FBXO11: variants seen among roughly 807,000 people sequenced by gnomAD.
The protein encoded by FBXO11 is F-box protein 11, also known as F-box only protein 11.
A neutral mutation model predicts 117.0 loss-of-function variants in FBXO11; 13 were observed. The observed-to-expected ratio is 0.11, with a 90% CI of 0.07 to 0.18. The LOEUF (loss-of-function observed/expected upper bound fraction) is 0.18, where lower values mean the gene tolerates loss of function less well. Ranked by LOEUF, FBXO11 falls within the 10% of genes least tolerant of loss-of-function variation. The pLI, the probability that FBXO11 is intolerant of heterozygous loss-of-function variation, is 1.00. For missense variants in FBXO11, 767 were observed against 1,164.4 expected (o/e 0.66, Z 4.97); for synonymous variants, 490 against 380.5 (o/e 1.29, Z -3.35).
intron 15 of FBXO11, 28 bp downstream of exon 15, chr2:47,818,928 C>T (rs1024267349): frequency 8.1e-6 from 13 of 1,595,788 alleles, no homozygotes; most frequent in Admixed American, 5.5e-5. Context: ...CAATGTATTT[C>T]CCATCCAAGA....
intron 1 of FBXO11, among the ~76,000 whole-genome samples, chr2:47,888,939 T>A (rs540977092): frequency 6.6e-6 from 1 of 152,326 alleles, no homozygotes; most frequent in East Asian, 1.9e-4. Context: ...TCGCACCCAG[T>A]TTTTAATCAT....
chr2:47,856,146 T>C (rs1674277459), intron 1 of FBXO11, among the ~76,000 whole-genome samples: 1 of 152,116 alleles, frequency 6.6e-6, no homozygotes, highest in Non-Finnish European at 1.5e-5. Flanking sequence ...TCAGAGAAGC[T>C]TTTAACTCAG....
chr2:47,877,095 T>C (rs1676061944), intron 1 of FBXO11, among the ~76,000 whole-genome samples: 1 of 151,922 alleles, frequency 6.6e-6, no homozygotes, highest in Non-Finnish European at 1.5e-5. Flanking sequence ...AGTGCAATCA[T>C]GGCTCACTGC....
rs147228560 is a variant in FBXO11, at chr2:47,869,774, A to G, written c.233-30005T>C. Among the ~76,000 whole-genome samples the G allele has an allele frequency of 1.2e-3, 188 of 152,344 alleles. 1 individual carries two copies. The highest frequency in any genetic ancestry group is 4.3e-3 in the African/African-American group (179 of 41,576). On this transcript the variant is annotated intron_variant, in intron 1 of 22. Transcript: ENST00000403359. ...GTGTTTTGCATCCTTTTTTGGGGCA[A>G]GGGTTAGTACACTTTTGGTCATAAA...
chr2:47,893,179 T>C (rs1442667418), intron 1 of FBXO11, among the ~76,000 whole-genome samples: 2 of 135,738 alleles, frequency 1.5e-5, no homozygotes, highest in Non-Finnish European at 3.4e-5. Flanking sequence ...AATAAATAAA[T>C]AAATAAATGG....
intron 1 of FBXO11, among the ~76,000 whole-genome samples, chr2:47,866,529 A>G (rs1007626939): frequency 6.6e-6 from 1 of 150,884 alleles, no homozygotes; most frequent in South Asian, 2.1e-4. Context: ...GCTGGAGTAC[A>G]GTGGCGTGAT....
chr2:47,853,868 T>C (rs1674071245), intron 1 of FBXO11, among the ~76,000 whole-genome samples: 1 of 152,194 alleles, frequency 6.6e-6, no homozygotes, highest in Non-Finnish European at 1.5e-5. Context: ...AATTTCATCT[T>C]CTAAAAACTC....
intron 9 of FBXO11, 38 bp from the exon 10 acceptor site, chr2:47,832,716 G>C: frequency 1.2e-6 from 2 of 1,607,444 alleles, no homozygotes; most frequent in South Asian, 1.1e-5. Context: ...AAACCTACTG[G>C]GCAACATACA....
chr2:47,840,968 G>A (rs1428817461), intron 1 of FBXO11, among the ~76,000 whole-genome samples: 1 of 152,110 alleles, frequency 6.6e-6, no homozygotes, highest in Non-Finnish European at 1.5e-5. Flanking sequence ...GGAGGCCAAG[G>A]TGGGCGGATC....
At chr2:47,903,061 T>C (rs572432126) in intron 1 of FBXO11, among the ~76,000 whole-genome samples, 1 of 152,206 alleles carries the variant, frequency 6.6e-6, no homozygotes, top group Non-Finnish European at 1.5e-5. Context: ...CTTTGCGTGC[T>C]CCATAAAACT....
intron 1 of FBXO11, among the ~76,000 whole-genome samples, chr2:47,881,236 A>G (rs1244671958): frequency 6.6e-6 from 1 of 152,172 alleles, no homozygotes; most frequent in Non-Finnish European, 1.5e-5. Context: ...TGGGTGACAC[A>G]ACGAGACTCT....
At chr2:47,897,918 T>G (rs1486585325) in intron 1 of FBXO11, among the ~76,000 whole-genome samples, 1 of 152,038 alleles carries the variant, frequency 6.6e-6, no homozygotes, top group African/African-American at 2.4e-5. Flanking sequence ...ATACAAAAGC[T>G]CTCTTCACAC....
chr2:47,868,489 TG>T (rs1675367285), intron 1 of FBXO11, among the ~76,000 whole-genome samples: 1 of 152,170 alleles, frequency 6.6e-6, no homozygotes, highest in African/African-American at 2.4e-5. Flanking sequence ...TTGAAATATT[TG>T]TTTGAATTAC....
intron 1 of FBXO11, among the ~76,000 whole-genome samples, chr2:47,893,338 T>C (rs1677404258): frequency 6.7e-6 from 1 of 150,316 alleles, no homozygotes; most frequent in African/African-American, 2.4e-5. Context: ...TATATATAAA[T>C]CACATGTGTA....
At chr2:47,885,367 G>C (rs929664181) in intron 1 of FBXO11, among the ~76,000 whole-genome samples, 1 of 152,156 alleles carries the variant, frequency 6.6e-6, no homozygotes, top group African/African-American at 2.4e-5. Flanking sequence ...GCCGAGGTGA[G>C]TAAATCATTG....
chr2:47,838,742 A>T, intron 4 of FBXO11, 117 bp downstream of exon 4: 5 of 845,242 alleles, frequency 5.9e-6, no homozygotes, highest in Non-Finnish European at 9.0e-6. Flanking sequence ...TAAGCATTTT[A>T]ATTTTGTTCC....
chr2:47,810,216 T>C (rs1670521643), intron 19 of FBXO11, 100 bp downstream of exon 19: 8 of 740,882 alleles, frequency 1.1e-5, no homozygotes, highest in Admixed American at 3.2e-5. Context: ...CAGCACACTT[T>C]GCACATTTTA....
At chr2:47,823,415 A>G (rs1671521294) in intron 11 of FBXO11, 55 bp from the exon 12 acceptor site, 1 of 1,312,564 alleles carries the variant, frequency 7.6e-7, no homozygotes, top group Non-Finnish European at 1.0e-6. Flanking sequence ...AAAAAAAGAA[A>G]TGCCATTTAA....
intron 2 of FBXO11, 32 bp downstream of exon 2, chr2:47,839,610 A>C (rs760746245): frequency 6.2e-7 from 1 of 1,605,666 alleles, no homozygotes; most frequent in Non-Finnish European, 8.5e-7. Context: ...TTCTTTCATT[A>C]CAAAAAGAAA....
Sources: gnomAD v4.1 joint callset for allele counts (sites outside exome capture counted in the v4.1 genomes callset) on GRCh38, gnomAD v4.1.1 for gene constraint, MANE v1.5 for transcripts, NCBI Gene and HGNC (gene_info 2026-07-23, HGNC 2026-07-21) for gene names.